Variants in GRK4 observed in about 807,000 individuals in gnomAD.
The protein encoded by GRK4 is G protein-coupled receptor kinase 4.
Under a neutral mutation model 77.9 loss-of-function variants are expected in GRK4, and 73 were observed. The observed-to-expected ratio is 0.94, with a 90% CI of 0.78 to 1.14. The LOEUF is 1.14. Ranked by LOEUF, GRK4 falls within the 50% of genes most tolerant of loss-of-function variation. The probability of loss-of-function intolerance (pLI) is 0.00; values close to 1 mark genes in which losing one functional copy is unlikely to be tolerated. For missense variants in GRK4, 729 were observed against 700.2 expected, an observed-to-expected ratio of 1.04 and a Z score of -0.46; for synonymous variants, 257 against 254.4, an observed-to-expected ratio of 1.01 and a Z score of -0.10.
chr4:3,033,837 G>A (rs1035528048), intron 12 of GRK4, among the ~76,000 whole-genome samples: 2 of 152,100 alleles, frequency 1.3e-5, no homozygotes, highest in African/African-American at 2.4e-5. Context: ...CACCCACCTC[G>A]GCCTCCCAAA....
chr4:3,001,271 A>G lies in GRK4; in HGVS notation c.340-2960A>G, dbSNP rs572537992. On this transcript the variant is annotated intron_variant, in intron 4 of 15. Coordinates refer to ENST00000398052, the MANE Select transcript of GRK4 (RefSeq NM_182982.3). ...TACATATATGTATATATATGTGTGT[A>G]TGTATGTATGTATACACATACATAT... Among the ~76,000 whole-genome samples, 148 of 138,528 alleles carry G rather than the reference A, an allele frequency of 1.1e-3. 6 individuals carry two copies. The highest frequency in any genetic ancestry group is 2.3e-3 in the African/African-American group (84 of 36,630). The allele number at this position is 138,528 out of a possible 152,430, so 90.9% of individuals were successfully genotyped here. A position where few individuals can be genotyped will look rare whatever the true frequency, so the allele number is the denominator to read the frequency against.
intron 3 of GRK4, among the ~76,000 whole-genome samples, chr4:2,989,111 G>A (rs1014759668): frequency 6.6e-5 from 10 of 152,122 alleles, no homozygotes; most frequent in African/African-American, 2.2e-4. Context: ...GAACCAGGAG[G>A]CGGAGGTTGC....
intron 1 of GRK4, among the ~76,000 whole-genome samples, chr4:2,968,097 GTT>G (rs35715694): frequency 6.9e-6 from 1 of 145,232 alleles, no homozygotes; most frequent in African/African-American, 2.5e-5. Context: ...GGCCTGTTTT[GTT>G]TTTTTTTTTA....
intron 1 of GRK4, among the ~76,000 whole-genome samples, chr4:2,968,250 T>G (rs1718387867): frequency 6.6e-6 from 1 of 152,188 alleles, no homozygotes; most frequent in African/African-American, 2.4e-5. Flanking sequence ...TGAAAACAAA[T>G]GCAGAGAGGA....
At chr4:3,003,275 C>T (rs371660690) in intron 4 of GRK4, among the ~76,000 whole-genome samples, 3 of 152,206 alleles carry the variant, frequency 2.0e-5, no homozygotes, top group South Asian at 2.1e-4. Flanking sequence ...CTGCAACCTC[C>T]GCCTCTCAGC....
At chr4:2,965,435 G>A (rs186416901) in intron 1 of GRK4, 8 of 703,052 alleles carry the variant, frequency 1.1e-5, no homozygotes, top group East Asian at 2.7e-5. Flanking sequence ...TCACTCTTAC[G>A]GAATTGCTGA....
At chr4:2,987,738 C>T (rs934002535) in intron 2 of GRK4, among the ~76,000 whole-genome samples, 15 of 152,014 alleles carry the variant, frequency 9.9e-5, no homozygotes, top group East Asian at 1.9e-4. Flanking sequence ...GTCAGCAGTT[C>T]GAGACTAGCC....
chr4:3,024,354 C>G (rs1477285764), intron 10 of GRK4, among the ~76,000 whole-genome samples: 1 of 152,170 alleles, frequency 6.6e-6, no homozygotes, highest in African/African-American at 2.4e-5. Flanking sequence ...CCTGAAACTC[C>G]TGGGCCTAAG....
intron 13 of GRK4, 45 bp from the exon 14 acceptor site, chr4:3,037,329 A>C: frequency 6.6e-7 from 1 of 1,524,888 alleles, no homozygotes; most frequent in Non-Finnish European, 8.9e-7. Context: ...GGAGCTGAGA[A>C]TTGCTGTAGT....
rs965661175 is a variant in GRK4, at chr4:2,964,486, A to G, written c.52+364A>G. Reference sequence around the variant, plus strand: ...CTTGTGTTGGACAACCTGTCCCACCAAAAAAGAACGGCGTCTTTATGGTCT... The same window carrying G: ...CTTGTGTTGGACAACCTGTCCCACCGAAAAAGAACGGCGTCTTTATGGTCT... On this transcript the variant is annotated intron_variant, in intron 1 of 15. Coordinates refer to ENST00000398052, the MANE Select transcript of GRK4 (RefSeq NM_182982.3). Among the ~76,000 whole-genome samples the G allele has an allele frequency of 2.0e-5, 3 of 152,190 alleles. No individual in the cohort carries two copies. The South Asian group carries it at 6.2e-4, about 32-fold the overall frequency.
chr4:2,972,533 G>A (rs1341366907), intron 1 of GRK4, among the ~76,000 whole-genome samples: 1 of 151,924 alleles, frequency 6.6e-6, no homozygotes. Context: ...TGCGGGGGGG[G>A]GCCCTTTCTT....
intron 1 of GRK4, chr4:2,966,366 C>G (rs757790470): frequency 6.6e-6 from 1 of 150,750 alleles, no homozygotes; most frequent in Non-Finnish European, 1.5e-5. Flanking sequence ...GAGCCGAGAT[C>G]GCGCCACGGC....
At chr4:2,996,639 G>GA (rs1728010418) in intron 4 of GRK4, among the ~76,000 whole-genome samples, 1 of 151,994 alleles carries the variant, frequency 6.6e-6, no homozygotes, top group African/African-American at 2.4e-5. Context: ...CTTTGTGGGG[G>GA]ATAGACAAAT....
Position 3,035,394 on chromosome 4 carries a change from C to T in GRK4, c.1278C>T (p.Thr426=), listed in dbSNP as rs1180317919. Reference sequence around the variant, plus strand: ...ATTTCTGCCTCTTGCAGTTACTCACCAAGAATCCAAGCAAGCGGCTGGGCT... The same window carrying T: ...ATTTCTGCCTCTTGCAGTTACTCACTAAGAATCCAAGCAAGCGGCTGGGCT... ...DAKSICRMLL[T]KNPSKRLGCR... The change falls in exon 13 of 16, where the codon ACC becomes ACT. Residue 426 remains threonine (T), a synonymous_variant. Transcript: ENST00000398052. The T allele has an allele frequency of 1.2e-6, 2 of 1,613,810 alleles. No individual in the cohort carries two copies. The highest frequency in any genetic ancestry group is 1.3e-5 in the African/African-American group (1 of 74,906).
rs549855296 is a variant in GRK4 at position 2,990,782 on chromosome 4, G to T, written c.262-1433G>T. On this transcript the variant is annotated intron_variant, in intron 3 of 15. Coordinates refer to ENST00000398052, the MANE Select transcript of GRK4 (RefSeq NM_182982.3). ...TTCTGATATTGTCATGATACCTGTC[G>T]TTATGAGGTGACAGCTATGTGACTG... is the stretch of plus-strand genomic sequence containing the variant. 5.9e-5 allele frequency among the ~76,000 whole-genome samples: 9 copies of T among 152,264 alleles called. No individual in the cohort carries two copies. In the East Asian group the frequency reaches 1.7e-3, roughly 29 times the overall value.
intron 10 of GRK4, among the ~76,000 whole-genome samples, chr4:3,026,746 G>A (rs1000956657): frequency 2.6e-5 from 4 of 152,248 alleles, no homozygotes; most frequent in Non-Finnish European, 5.9e-5. Context: ...CAGCAAGGGC[G>A]GGGTGTGGTG....
At chr4:3,034,431 C>T (rs143981559) in intron 12 of GRK4, among the ~76,000 whole-genome samples, 1 of 152,264 alleles carries the variant, frequency 6.6e-6, no homozygotes, top group East Asian at 1.9e-4. Flanking sequence ...AGGGTGGTGT[C>T]GATAAAGCCT....
Position 2,991,235 on chromosome 4 carries a change from C to T in GRK4, c.262-980C>T, listed in dbSNP as rs141300974. Among the ~76,000 whole-genome samples the T allele has an allele frequency of 2.0e-5, 3 of 152,276 alleles. No individual in the cohort carries two copies. The East Asian group carries it at 5.8e-4, about 29-fold the overall frequency. On this transcript the variant is annotated intron_variant, in intron 3 of 15. Transcript: ENST00000398052. Reference sequence around the variant, plus strand: ...CCGTCCTCAGGCAGAATTTCTTCCTCCAGGAAGACTCATCTCTGTTCTTAA... The same window carrying T: ...CCGTCCTCAGGCAGAATTTCTTCCTTCAGGAAGACTCATCTCTGTTCTTAA...
intron 8 of GRK4, among the ~76,000 whole-genome samples, chr4:3,016,857 C>G (rs1375200488): frequency 6.6e-6 from 1 of 152,180 alleles, no homozygotes; most frequent in Non-Finnish European, 1.5e-5. Flanking sequence ...ATTTCTATAT[C>G]GTTGGCCTCT....
Sources: gnomAD v4.1 joint callset for allele counts (sites outside exome capture counted in the v4.1 genomes callset) on GRCh38, gnomAD v4.1.1 for gene constraint, MANE v1.5 for transcripts, NCBI Gene and HGNC (gene_info 2026-07-23, HGNC 2026-07-21) for gene names.